The following ALDH1A1 variants were observed in gnomAD, a reference collection of about 807,000 sequenced individuals.
ALDH1A1 encodes the protein aldehyde dehydrogenase 1 family member A1, also known as aldehyde dehydrogenase 1A1.
ALDH1A1 carries 19 observed loss-of-function variants against 62.1 expected under a neutral mutation model. The ratio of observed to expected loss-of-function variants is 0.31; its 90% CI spans 0.21 to 0.45. ALDH1A1 has a LOEUF of 0.45. ALDH1A1 is among the 20% of genes least tolerant of loss of function. ALDH1A1 has a pLI of 1.00. For synonymous variants in ALDH1A1, 231 were observed against 215.9 expected (o/e 1.07, Z -0.61); for missense variants, 521 against 607.1 (o/e 0.86, Z 1.49).
At chr9:72,906,210 C>T (rs1829876816) in intron 11 of ALDH1A1, among the ~76,000 whole-genome samples, 178 bp from the exon 12 acceptor site, 1 of 152,116 alleles carries the variant, frequency 6.6e-6, no homozygotes, top group Admixed American at 6.5e-5. Context: ...TATGGATACA[C>T]ACTACCTAGA....
chr9:72,951,003 G>A (rs1312847755), intron 1 of ALDH1A1, among the ~76,000 whole-genome samples: 1 of 151,900 alleles, frequency 6.6e-6, no homozygotes, highest in Non-Finnish European at 1.5e-5. Context: ...TCCCAAGTGT[G>A]AAAACGCTGT....
intron 1 of ALDH1A1, among the ~76,000 whole-genome samples, chr9:72,948,641 C>T (rs1424482): frequency 0.55 from 82,886 of 151,686 alleles, 24,238 homozygotes; most frequent in Non-Finnish European, 0.65. Context: ...CTACTCATAT[C>T]CTCTCAGCTT....
chr9:72,937,587 G>A (rs987142379), intron 2 of ALDH1A1, among the ~76,000 whole-genome samples: 8 of 152,044 alleles, frequency 5.3e-5, no homozygotes, highest in Admixed American at 2.0e-4. Context: ...GAAAATCTAC[G>A]CTCTTACTAT....
In ALDH1A1 at chr9:72,911,844, G is replaced by T. The variant is rs1012385598; in HGVS notation, c.1200+114C>A. On this transcript the variant is annotated intron_variant, in intron 10 of 12. Transcript: ENST00000297785. ...CTATCAAGAACAGAATAAAGAGTAA[G>T]GTTTAGAGGGAAAGATGTTCCAAAG... is the stretch of plus-strand genomic sequence containing the variant. 2.3e-5 allele frequency: 28 copies of T among 1,212,788 alleles called. No individual in the cohort carries two copies. In the African/African-American group the frequency reaches 4.1e-4, roughly 18 times the overall value. 75.1% of individuals were successfully genotyped at this position (1,212,788 alleles called of 1,614,324 possible).
chr9:72,904,540 GAA>G (rs1283184277), intron 12 of ALDH1A1, among the ~76,000 whole-genome samples: 7 of 152,100 alleles, frequency 4.6e-5, no homozygotes, highest in Admixed American at 6.6e-5. Flanking sequence ...TCTGTTAGGA[GAA>G]GTTTTCTTCT....
At chr9:72,946,136 T>A (rs919302293) in intron 1 of ALDH1A1, among the ~76,000 whole-genome samples, 6 of 151,900 alleles carry the variant, frequency 3.9e-5, no homozygotes, top group Admixed American at 1.3e-4. Flanking sequence ...TGTATCAGAG[T>A]TAAGATGTAG....
At position 72,952,952 on chromosome 9, in the gene ALDH1A1, T is replaced by G. The variant is rs1830559752; in HGVS notation, c.49A>C (p.Lys17Gln). The stretch of plus-strand genomic sequence containing the variant: ...TTACTCACCTTAGTATATTGAATCT[T>G]CAAATCGGTGAGTAGGACAGGTAAG... ...PDLPVLLTDL[K>Q]IQYTKIFINN... Residue 17 changes from lysine to glutamine, a missense_variant, in exon 1 of 13, where the codon AAG (lysine) becomes CAG (glutamine). By Grantham distance (53) the Lys-to-Gln change is moderately conservative. Transcript: ENST00000297785. 6.2e-7 allele frequency: 1 copy of G among 1,612,954 alleles called. No individual in the cohort carries two copies. Among genetic ancestry groups the G allele is most frequent in the Non-Finnish European group, 8.5e-7 (1 of 1,179,272 alleles).
At chr9:72,940,093 A>G in intron 2 of ALDH1A1, 55 bp downstream of exon 2, 2 of 1,374,494 alleles carry the variant, frequency 1.5e-6, no homozygotes, top group South Asian at 2.3e-5. Flanking sequence ...GGAGCTCAGA[A>G]TGGCAAAAAA....
chr9:72,906,249 T>C (rs1207916456), intron 11 of ALDH1A1, among the ~76,000 whole-genome samples: 1 of 152,160 alleles, frequency 6.6e-6, no homozygotes, highest in African/African-American at 2.4e-5. Context: ...ACTATATATA[T>C]GGATAGCCAT....
chr9:72,938,958 G>C (rs1295233747), intron 2 of ALDH1A1, among the ~76,000 whole-genome samples: 1 of 150,964 alleles, frequency 6.6e-6, no homozygotes, highest in Non-Finnish European at 1.5e-5. Context: ...GGTCAGGTTG[G>C]TCTCAAACTC....
rs938378164 is a variant in ALDH1A1, at chr9:72,911,814, A to T, written c.1200+144T>A. On this transcript the variant is annotated intron_variant, in intron 10 of 12. Transcript: ENST00000297785. ...TTTAGTATCTATCACAAATAACTTA[A>T]ACCTCTATCAAGAACAGAATAAAGA... 3.2e-6 allele frequency: 3 copies of T among 949,340 alleles called. No homozygotes were observed. The African/African-American group carries it at 5.0e-5, about 16-fold the overall frequency. 58.8% of individuals were successfully genotyped at this position (949,340 alleles called of 1,614,324 possible).
chr9:72,938,815 T>C (rs1830378090), intron 2 of ALDH1A1, among the ~76,000 whole-genome samples: 1 of 151,946 alleles, frequency 6.6e-6, no homozygotes, highest in African/African-American at 2.4e-5. Context: ...CTATCTTGGC[T>C]CACTGCAACC....
intron 4 of ALDH1A1, among the ~76,000 whole-genome samples, chr9:72,928,137 C>A (rs1361724069): frequency 8.9e-5 from 13 of 145,732 alleles, no homozygotes. Context: ...CTGCATGCTC[C>A]AATTGGATTG....
chr9:72,906,076 G>T, intron 11 of ALDH1A1, 44 bp from the exon 12 acceptor site: 1 of 1,464,252 alleles, frequency 6.8e-7, no homozygotes, highest in Non-Finnish European at 9.3e-7. Context: ...CTTAAGGTGT[G>T]AAAAAAAAAT....
intron 7 of ALDH1A1, among the ~76,000 whole-genome samples, chr9:72,921,503 C>CTTTTTTTTTTTTTTTTAATT (rs1830142755): frequency 9.1e-6 from 1 of 109,504 alleles, no homozygotes; most frequent in South Asian, 3.0e-4. Flanking sequence ...ACATTTAATT[C>CTTTTTTTTTTTTTTTTAATT]TTTTTTTTTT....
At chr9:72,933,064 G>A (rs1049421573) in intron 2 of ALDH1A1, among the ~76,000 whole-genome samples, 2 of 152,152 alleles carry the variant, frequency 1.3e-5, no homozygotes, top group Non-Finnish European at 2.9e-5. Context: ...TGGATCATGC[G>A]CCCCCTTTTC....
chr9:72,944,416 C>A (rs938682795), intron 1 of ALDH1A1, among the ~76,000 whole-genome samples: 2 of 152,008 alleles, frequency 1.3e-5, no homozygotes, highest in African/African-American at 2.4e-5. Flanking sequence ...CCAGGTATTG[C>A]CCAGTCTTTT....
intron 12 of ALDH1A1, among the ~76,000 whole-genome samples, chr9:72,903,483 G>A (rs1395662903): frequency 6.6e-6 from 1 of 151,856 alleles, no homozygotes; most frequent in Admixed American, 6.6e-5. Context: ...GTCATTTGAG[G>A]TTATCGCCTG....
At chr9:72,914,086 AGTCTATGAAAT>A (rs1406548529) in intron 9 of ALDH1A1, among the ~76,000 whole-genome samples, 1 of 152,202 alleles carries the variant, frequency 6.6e-6, no homozygotes, top group Non-Finnish European at 1.5e-5. Context: ...CCTATGGGCT[AGTCTATGAAAT>A]GTATTAGGTA....
Sources: gnomAD v4.1 joint callset for allele counts (sites outside exome capture counted in the v4.1 genomes callset) on GRCh38, gnomAD v4.1.1 for gene constraint, MANE v1.5 for transcripts, NCBI Gene and HGNC (gene_info 2026-07-23, HGNC 2026-07-21) for gene names.